KIRREL1: variants seen among roughly 807,000 people sequenced by gnomAD.
KIRREL1 encodes kin of IRRE-like protein 1.
A neutral mutation model predicts 83.3 loss-of-function variants in KIRREL1; 25 were observed. The observed-to-expected ratio is 0.30, with a 90% CI of 0.22 to 0.42. The LOEUF is 0.42. Among genes scored for constraint, KIRREL1 ranks in the 10% least tolerant of loss-of-function variants. The pLI, the probability that KIRREL1 is intolerant of heterozygous loss-of-function variation, is 1.00. For missense variants in KIRREL1, 812 were observed against 1,032.3 expected, an observed-to-expected ratio of 0.79 and a Z score of 2.92; for synonymous variants, 388 against 410.4, an observed-to-expected ratio of 0.95 and a Z score of 0.66.
Position 158,094,859 on chromosome 1 carries a change from T to C in KIRREL1, c.2013T>C (p.Ala671=). ...CTGAGCCCACACCCCCTGGCCCTGC[T>C]GCCCCAGCTGGCACTGACACAACCA... is the stretch of plus-strand genomic sequence containing the variant. The part of the protein sequence containing the change: ...YGPEPTPPGP[A]APAGTDTTSQ... The change falls in exon 15 of 15, where the codon GCT becomes GCC. Residue 671 remains alanine, a synonymous_variant. Transcript: ENST00000359209. This position sits in a 1 kb window ranked among gnomAD's most constrained non-coding sequence, Gnocchi z 4.6. 6.2e-7 allele frequency: 1 copy of C among 1,613,974 alleles called. No individual in the cohort carries two copies. Among genetic ancestry groups the C allele is most frequent in the Middle Eastern group, 1.6e-4 (1 of 6,062 alleles).
At chr1:158,049,978 G>A (rs557800371) in intron 1 of KIRREL1, among the ~76,000 whole-genome samples, 13 of 152,136 alleles carry the variant, frequency 8.5e-5, no homozygotes, top group Non-Finnish European at 1.8e-4. Context: ...GACTGAGCTG[G>A]TCTTCAAGTG....
At chr1:158,091,333 C>T (rs1662188862) in intron 10 of KIRREL1, 25 bp from the exon 11 acceptor site, 1 of 1,606,950 alleles carries the variant, frequency 6.2e-7, no homozygotes, top group African/African-American at 1.3e-5. Flanking sequence ...CCTTTCTTAC[C>T]TTCTTCCTTC....
chr1:158,075,969 G>T, intron 1 of KIRREL1, 144 bp from the exon 2 acceptor site: 3 of 704,912 alleles, frequency 4.3e-6, no homozygotes, highest in East Asian at 2.7e-5. Flanking sequence ...AAACAAAGGG[G>T]TTGAGGCTGA....
At chr1:158,083,166 T>C (rs895308047) in intron 3 of KIRREL1, among the ~76,000 whole-genome samples, 1 of 152,116 alleles carries the variant, frequency 6.6e-6, no homozygotes, top group Non-Finnish European at 1.5e-5. Flanking sequence ...CATACATCGG[T>C]CAATTGAATT....
chr1:158,027,131 C>G (rs1201823726), intron 1 of KIRREL1, among the ~76,000 whole-genome samples: 2 of 152,222 alleles, frequency 1.3e-5, no homozygotes, highest in African/African-American at 4.8e-5. Context: ...GCGCTTCTGA[C>G]TGGCTGGCTA....
chr1:157,996,299 C>T (rs949926520), intron 1 of KIRREL1, among the ~76,000 whole-genome samples: 6 of 152,122 alleles, frequency 3.9e-5, no homozygotes, highest in Non-Finnish European at 5.9e-5. Context: ...TGCGCCGGCT[C>T]CACAGACTGA....
intron 1 of KIRREL1, among the ~76,000 whole-genome samples, chr1:158,069,745 TC>T (rs1187232010): frequency 6.6e-6 from 1 of 152,212 alleles, no homozygotes; most frequent in Non-Finnish European, 1.5e-5. Flanking sequence ...GTGCTCTCTG[TC>T]CGATACTTAC....
At chr1:158,051,545 T>C (rs1404054272) in intron 1 of KIRREL1, among the ~76,000 whole-genome samples, 2 of 152,230 alleles carry the variant, frequency 1.3e-5, no homozygotes, top group Non-Finnish European at 2.9e-5. Context: ...AGTAACTCAC[T>C]ATATTTAACT....
At position 158,071,200 on chromosome 1, in the gene KIRREL1, C is replaced by T. The variant is rs368772246; in HGVS notation, c.53-4913C>T. On this transcript the variant is annotated intron_variant, in intron 1 of 14. Transcript: ENST00000359209. ...GTCGGCCCGGCCTGCGTCTTTTCCA[C>T]GCTGGGCTCTTTCCTACAGAGCTCG... Among the ~76,000 whole-genome samples, 14 of 152,322 alleles carry T rather than the reference C, an allele frequency of 9.2e-5. No homozygotes were observed. In the East Asian group the frequency reaches 1.4e-3, roughly 15 times the overall value.
intron 1 of KIRREL1, among the ~76,000 whole-genome samples, chr1:158,002,740 G>A (rs1659401147): frequency 6.6e-6 from 1 of 152,050 alleles, no homozygotes; most frequent in Admixed American, 6.6e-5. Context: ...AGGGGGAGTG[G>A]AGCAGGGAGC....
At chr1:158,056,702 G>A (rs1332957539) in intron 1 of KIRREL1, among the ~76,000 whole-genome samples, 1 of 152,214 alleles carries the variant, frequency 6.6e-6, no homozygotes, top group East Asian at 1.9e-4. Flanking sequence ...CCAGCCGGGC[G>A]GCTGTGAAAT....
At chr1:158,083,026 A>G (rs1439881635) in intron 3 of KIRREL1, among the ~76,000 whole-genome samples, 1 of 152,174 alleles carries the variant, frequency 6.6e-6, no homozygotes, top group African/African-American at 2.4e-5. Flanking sequence ...TGATCACCCA[A>G]GCCCTGGGCT....
chr1:158,078,097 G>C lies in KIRREL1; in HGVS notation c.309G>C (p.Thr103=), dbSNP rs140237848. Residue 103 remains threonine (T), a synonymous_variant, in exon 3 of 15, where the codon ACG becomes ACC. Transcript: ENST00000359209. ...ACGCCTCTTACGAGTGCCAGGCCAC[G>C]GAGGCCGCCCTGCGCTCTCGGCGGG... is the stretch of plus-strand genomic sequence containing the variant. The part of the protein sequence containing the change: ...SDDASYECQA[T]EAALRSRRAK... 2 of 1,614,100 alleles carry C rather than the reference G, an allele frequency of 1.2e-6. No individual in the cohort carries two copies. The highest frequency in any genetic ancestry group is 1.7e-5 in the Admixed American group (1 of 60,026).
Position 158,076,240 on chromosome 1 carries a change from G to A in KIRREL1, c.180G>A (p.Leu60=), listed in dbSNP as rs1315525416. ...AATGGACCAAGGACGGGCTGGCCCTGGGCATGGGCCAGGGCCTCAAAGGTG... is the reference window on the plus strand; with the variant it reads ...AATGGACCAAGGACGGGCTGGCCCTAGGCATGGGCCAGGGCCTCAAAGGTG... The part of the protein sequence containing the change: ...IVQWTKDGLA[L]GMGQGLKAWP... Residue 60 remains leucine (L), a synonymous_variant, in exon 2 of 15, where the codon CTG becomes CTA. Transcript: ENST00000359209. 6.2e-7 allele frequency: 1 copy of A among 1,614,142 alleles called. No individual in the cohort carries two copies. Among genetic ancestry groups the A allele is most frequent in the South Asian group, 1.1e-5 (1 of 91,074 alleles).
chr1:158,083,397 G>A (rs1046557471), intron 3 of KIRREL1, among the ~76,000 whole-genome samples: 1 of 152,220 alleles, frequency 6.6e-6, no homozygotes, highest in Non-Finnish European at 1.5e-5. Context: ...AAAGCCTTGT[G>A]CATCAACTGG....
Position 158,087,658 on chromosome 1 carries a change from C to T in KIRREL1, c.662-97C>T, listed in dbSNP as rs144194022. 469 of 782,356 alleles carry T rather than the reference C, an allele frequency of 6.0e-4. 1 individual carries two copies. The African/African-American group carries it at 7.5e-3, about 13-fold the overall frequency. The allele number at this position is 782,356 out of a possible 1,614,324, so 48.5% of individuals were successfully genotyped here. ...CACTGCAACCTCAAATTCCTAGATC[C>T]CCGCCAGAGTGGTCAGGTCTGAATG... is the stretch of plus-strand genomic sequence containing the variant. On this transcript the variant is annotated intron_variant, in intron 5 of 14. Coordinates refer to ENST00000359209, the MANE Select transcript of KIRREL1 (RefSeq NM_018240.7).
At chr1:158,025,645 C>G (rs889507390) in intron 1 of KIRREL1, 3 of 150,592 alleles carry the variant, frequency 2.0e-5, no homozygotes, top group African/African-American at 7.4e-5. Flanking sequence ...GGAAGAGATG[C>G]AGCCAAGAGC....
chr1:158,060,355 G>A (rs866390406), intron 1 of KIRREL1, among the ~76,000 whole-genome samples: 6 of 151,972 alleles, frequency 3.9e-5, no homozygotes, highest in East Asian at 1.9e-4. Context: ...TCCCACCCTC[G>A]TTCCCTTCTA....
chr1:158,049,671 T>G (rs1660862942), intron 1 of KIRREL1, among the ~76,000 whole-genome samples: 1 of 151,996 alleles, frequency 6.6e-6, no homozygotes, highest in South Asian at 2.1e-4. Flanking sequence ...GGGGAAGCAA[T>G]TAGGAAGTTA....
Sources: allele counts gnomAD v4.1 joint callset (sites outside exome capture counted in the v4.1 genomes callset), GRCh38; gene constraint gnomAD v4.1.1; non-coding constraint Gnocchi (gnomAD v3.1); transcripts MANE v1.5; gene names NCBI Gene and HGNC (gene_info 2026-07-23, HGNC 2026-07-21).